The following TRAF3IP1 variants were observed in gnomAD, a reference collection of about 807,000 sequenced individuals.
The protein encoded by TRAF3IP1 is intraflagellar transport 54.
TRAF3IP1 carries 53 observed loss-of-function variants against 89.9 expected under a neutral mutation model. That is an observed-to-expected ratio of 0.59 (90% CI 0.47 to 0.74). The LOEUF (loss-of-function observed/expected upper bound fraction) is 0.74. Ranked by LOEUF, TRAF3IP1 falls within the 30% of genes least tolerant of loss-of-function variation. TRAF3IP1 has a pLI of 0.00. For synonymous variants in TRAF3IP1, 311 were observed against 322.1 expected, an observed-to-expected ratio of 0.97 and a Z score of 0.37; for missense variants, 806 against 866.1, an observed-to-expected ratio of 0.93 and a Z score of 0.87.
chr2:238,385,502 G>A (rs1700732394), intron 15 of TRAF3IP1, among the ~76,000 whole-genome samples: 1 of 152,214 alleles, frequency 6.6e-6, no homozygotes, highest in African/African-American at 2.4e-5. Flanking sequence ...TCATGAGAGA[G>A]AGAAAACACC....
chr2:238,359,295 A>G (rs551805744), intron 15 of TRAF3IP1, among the ~76,000 whole-genome samples: 13 of 152,154 alleles, frequency 8.5e-5, no homozygotes, highest in African/African-American at 3.1e-4. Flanking sequence ...TAGTGAACAC[A>G]CTCATCACCC....
At chr2:238,330,276 A>T (rs1698055867) in intron 5 of TRAF3IP1, among the ~76,000 whole-genome samples, 1 of 152,192 alleles carries the variant, frequency 6.6e-6, no homozygotes, top group African/African-American at 2.4e-5. Flanking sequence ...TACTGTAATT[A>T]TTGTTTAATT....
chr2:238,371,672 C>T (rs1483919680), intron 15 of TRAF3IP1, among the ~76,000 whole-genome samples: 1 of 152,156 alleles, frequency 6.6e-6, no homozygotes, highest in Non-Finnish European at 1.5e-5. Context: ...CGAATCCCAA[C>T]TGAAATATAT....
chr2:238,371,013 G>A (rs1296286525), intron 15 of TRAF3IP1, among the ~76,000 whole-genome samples: 2 of 152,204 alleles, frequency 1.3e-5, no homozygotes. Flanking sequence ...CTCTTGTAAT[G>A]TGGTTTTCTG....
In TRAF3IP1 at chr2:238,399,780, C is replaced by T. The variant is rs1157928600; in HGVS notation, c.*861C>T. On this transcript the variant is annotated 3_prime_UTR_variant, in exon 17 of 17. Coordinates refer to ENST00000373327, the MANE Select transcript of TRAF3IP1 (RefSeq NM_015650.4). ...GGTGTGCATACCGAGAGACAGGCAGCTTAGGAAAAACAACATAAGGAAGAC... is the reference window on the plus strand; with the variant it reads ...GGTGTGCATACCGAGAGACAGGCAGTTTAGGAAAAACAACATAAGGAAGAC... 2.6e-5 allele frequency: 4 copies of T among 152,078 alleles called. No homozygotes were observed. The allele number at this position is 152,078 out of a possible 1,614,324, so 9.4% of individuals were successfully genotyped here. A position where few individuals can be genotyped will look rare whatever the true frequency, so the allele number is the denominator to read the frequency against.
intron 14 of TRAF3IP1, among the ~76,000 whole-genome samples, chr2:238,354,728 G>A (rs980416113): frequency 3.9e-5 from 6 of 152,086 alleles, no homozygotes; most frequent in Non-Finnish European, 8.8e-5. Flanking sequence ...TTGGCTCACT[G>A]CAACCTCTGC....
chr2:238,358,650 G>C (rs1413051881), intron 15 of TRAF3IP1, among the ~76,000 whole-genome samples: 1 of 152,218 alleles, frequency 6.6e-6, no homozygotes, highest in African/African-American at 2.4e-5. Context: ...GTGCCTCGTG[G>C]TGTTTTTTGA....
In TRAF3IP1 at chr2:238,328,927, A is replaced by G. The variant is rs754655611; in HGVS notation, c.500A>G (p.Asp167Gly). Residue 167 changes from aspartate to glycine, a missense_variant and splice_region_variant, in exon 5 of 17, where the codon GAT (aspartate) becomes GGT (glycine). Transcript: ENST00000373327. ...AATGATTTTATTTTTATTTCGTAGG[A>G]TAGAGGAGACGCTGAAATAAAAGAG... The part of the protein sequence containing the change: ...EESRVHKNTE[D>G]RGDAEIKERS... 1.3e-6 allele frequency: 2 copies of G among 1,568,736 alleles called. No individual in the cohort carries two copies. Among genetic ancestry groups the G allele is most frequent in the Non-Finnish European group, 8.6e-7 (1 of 1,158,960 alleles).
intron 9 of TRAF3IP1, among the ~76,000 whole-genome samples, chr2:238,347,011 T>A (rs1698923984): frequency 6.6e-6 from 1 of 152,244 alleles, no homozygotes; most frequent in South Asian, 2.1e-4. Flanking sequence ...GAAAAATGCT[T>A]ACCAATCATG....
intron 15 of TRAF3IP1, among the ~76,000 whole-genome samples, chr2:238,356,777 A>ATT (rs1332058374): frequency 5.5e-4 from 74 of 135,742 alleles, no homozygotes; most frequent in South Asian, 1.7e-3. Context: ...GAGACTGGGA[A>ATT]TTTTTTTTTT....
chr2:238,387,807 A>C (rs1357914858), intron 15 of TRAF3IP1, among the ~76,000 whole-genome samples: 1 of 152,264 alleles, frequency 6.6e-6, no homozygotes, highest in East Asian at 1.9e-4. Flanking sequence ...GAGGCTGGGC[A>C]TGATGGCTCA....
At position 238,328,921 on chromosome 2, in the gene TRAF3IP1, C is replaced by A; in HGVS notation, c.499-5C>A. On this transcript the variant is annotated splice_region_variant and splice_polypyrimidine_tract_variant and intron_variant, in intron 4 of 16. Coordinates refer to ENST00000373327, the MANE Select transcript of TRAF3IP1 (RefSeq NM_015650.4). ...TTCATAAATGATTTTATTTTTATTTCGTAGGATAGAGGAGACGCTGAAATA... is the reference window on the plus strand; with the variant it reads ...TTCATAAATGATTTTATTTTTATTTAGTAGGATAGAGGAGACGCTGAAATA... 6.4e-7 allele frequency: 1 copy of A among 1,563,378 alleles called. No homozygotes were observed. The highest frequency in any genetic ancestry group is 1.2e-5 in the South Asian group (1 of 83,754).
chr2:238,328,872 C>T (rs774098311), intron 4 of TRAF3IP1, 43 bp downstream of exon 4: 1 of 1,596,514 alleles, frequency 6.3e-7, no homozygotes, highest in East Asian at 2.2e-5. Flanking sequence ...AATAGTGAGT[C>T]TTTTTGTAGT....
intron 15 of TRAF3IP1, among the ~76,000 whole-genome samples, chr2:238,356,359 T>TG (rs1699406472): frequency 6.6e-6 from 1 of 151,774 alleles, no homozygotes; most frequent in Admixed American, 6.6e-5. Context: ...TACCCGGGTG[T>TG]GGTGGCGCAT....
At chr2:238,332,474 C>T (rs1225346208) in intron 5 of TRAF3IP1, among the ~76,000 whole-genome samples, 1 of 152,188 alleles carries the variant, frequency 6.6e-6, no homozygotes, top group Non-Finnish European at 1.5e-5. Flanking sequence ...TGTTCATTCC[C>T]TCCCTCACTT....
At chr2:238,323,718 C>T (rs183453074) in intron 1 of TRAF3IP1, among the ~76,000 whole-genome samples, 96 of 152,308 alleles carry the variant, frequency 6.3e-4, no homozygotes, top group African/African-American at 2.3e-3. Flanking sequence ...TACCACATAC[C>T]ATGCAGCCTG....
chr2:238,342,198 A>G (rs372318647), intron 8 of TRAF3IP1, among the ~76,000 whole-genome samples: 11 of 152,154 alleles, frequency 7.2e-5, no homozygotes, highest in African/African-American at 2.7e-4. Flanking sequence ...CATGTTGGCC[A>G]GACTGGTCTC....
Position 238,320,553 on chromosome 2 carries a change from G to T in TRAF3IP1, c.-110G>T. On this transcript the variant is annotated 5_prime_UTR_variant, in exon 1 of 17. Transcript: ENST00000373327. ...ATGGAAACCGGAGCGGCGCGTCCTG[G>T]CAGGACCGGGCGGCGGCGGCGGCGG... 9.7e-7 allele frequency: 1 copy of T among 1,033,056 alleles called. No homozygotes were observed. The highest frequency in any genetic ancestry group is 1.2e-6 in the Non-Finnish European group (1 of 862,452). The allele number at this position is 1,033,056 out of a possible 1,614,324, so 64.0% of individuals were successfully genotyped here. A position where few individuals can be genotyped will look rare whatever the true frequency, so the allele number is the denominator to read the frequency against.
intron 1 of TRAF3IP1, among the ~76,000 whole-genome samples, chr2:238,321,232 A>G (rs563580406): frequency 5.3e-5 from 8 of 152,190 alleles, no homozygotes; most frequent in Admixed American, 4.6e-4. Flanking sequence ...CTTAGAGTGC[A>G]TCTTCCATTA....
Sources: allele counts gnomAD v4.1 joint callset (sites outside exome capture counted in the v4.1 genomes callset), GRCh38; gene constraint gnomAD v4.1.1; transcripts MANE v1.5; gene names NCBI Gene and HGNC (gene_info 2026-07-23, HGNC 2026-07-21).